Variants in CUX2 observed in about 807,000 individuals in gnomAD.
CUX2 encodes homeobox protein cut-like 2.
CUX2 carries 40 observed loss-of-function variants against 144.8 expected under a neutral mutation model. That is an observed-to-expected ratio of 0.28 (90% CI 0.21 to 0.36). CUX2 has a LOEUF of 0.36. Among genes scored for constraint, CUX2 ranks in the 10% least tolerant of loss-of-function variants. The probability of loss-of-function intolerance (pLI) is 1.00; values close to 1 mark genes in which losing one functional copy is unlikely to be tolerated. For synonymous variants in CUX2, 827 were observed against 875.6 expected (o/e 0.94, Z 0.98); for missense variants, 1,615 against 1,994.0 (o/e 0.81, Z 3.62).
intron 3 of CUX2, among the ~76,000 whole-genome samples, chr12:111,238,238 A>G (rs1209015468): frequency 6.6e-6 from 1 of 152,250 alleles, no homozygotes; most frequent in Non-Finnish European, 1.5e-5. Flanking sequence ...CTCACATAGT[A>G]CTTGTCCCTC....
At chr12:111,219,989 C>G (rs958969475) in intron 3 of CUX2, among the ~76,000 whole-genome samples, 1 of 151,934 alleles carries the variant, frequency 6.6e-6, no homozygotes, top group Admixed American at 6.6e-5. Flanking sequence ...ATTAAAAATA[C>G]AAAAATTAGC....
At chr12:111,250,437 CT>C (rs1291319718) in intron 3 of CUX2, among the ~76,000 whole-genome samples, 8 of 152,182 alleles carry the variant, frequency 5.3e-5, no homozygotes, top group Admixed American at 4.6e-4. Context: ...AGGGCTGCCC[CT>C]GGGAGCGTTT....
At chr12:111,166,006 C>G (rs1269091605) in intron 1 of CUX2, among the ~76,000 whole-genome samples, 3 of 152,058 alleles carry the variant, frequency 2.0e-5, no homozygotes, top group Non-Finnish European at 4.4e-5. Flanking sequence ...AGTGTGTCCA[C>G]TTTGACTCTT....
chr12:111,208,144 A>T (rs1168623096), intron 1 of CUX2, among the ~76,000 whole-genome samples: 1 of 152,128 alleles, frequency 6.6e-6, no homozygotes, highest in Non-Finnish European at 1.5e-5. Flanking sequence ...GTTTGTCTTC[A>T]TGGAATCTCT....
intron 1 of CUX2, among the ~76,000 whole-genome samples, chr12:111,102,653 C>A (rs1170758329): frequency 1.3e-5 from 2 of 152,174 alleles, no homozygotes; most frequent in Non-Finnish European, 2.9e-5. Flanking sequence ...AATCCTTATT[C>A]CTATTTTATG....
At chr12:111,052,689 CTG>C (rs34334186) in intron 1 of CUX2, among the ~76,000 whole-genome samples, 4 of 151,856 alleles carry the variant, frequency 2.6e-5, no homozygotes, top group African/African-American at 9.7e-5. Flanking sequence ...ATGTGGGGAT[CTG>C]TGTGTGTGTG....
intron 1 of CUX2, among the ~76,000 whole-genome samples, chr12:111,175,787 G>A (rs767728087): frequency 4.6e-5 from 7 of 151,772 alleles, no homozygotes; most frequent in Non-Finnish European, 7.4e-5. Context: ...CTTTTTCACC[G>A]CCGGTTGCAA....
intron 19 of CUX2, among the ~76,000 whole-genome samples, chr12:111,335,180 C>A (rs1888293963): frequency 1.3e-5 from 2 of 152,176 alleles, no homozygotes; most frequent in South Asian, 4.1e-4. Flanking sequence ...CATCTGAGGT[C>A]AGCAGTTCGA....
At chr12:111,136,234 C>T (rs979536479) in intron 1 of CUX2, among the ~76,000 whole-genome samples, 6 of 151,684 alleles carry the variant, frequency 4.0e-5, no homozygotes, top group Admixed American at 1.3e-4. Flanking sequence ...TGAGAAGTGA[C>T]GCGATTCTCG....
intron 1 of CUX2, among the ~76,000 whole-genome samples, chr12:111,101,774 G>T (rs1452730699): frequency 6.6e-6 from 1 of 152,146 alleles, no homozygotes; most frequent in African/African-American, 2.4e-5. Flanking sequence ...TTACCTTGGG[G>T]TCTTTCTGGA....
chr12:111,294,129 T>C (rs1262443514), intron 6 of CUX2, among the ~76,000 whole-genome samples: 1 of 151,984 alleles, frequency 6.6e-6, no homozygotes, highest in Non-Finnish European at 1.5e-5. Flanking sequence ...AGGCCATGAG[T>C]TCAAGACCAG....
At chr12:111,143,364 A>C (rs1434513482) in intron 1 of CUX2, among the ~76,000 whole-genome samples, 3 of 152,210 alleles carry the variant, frequency 2.0e-5, no homozygotes, top group East Asian at 1.9e-4. Flanking sequence ...ATTCCAGCGC[A>C]TCAAGGAGGT....
chr12:111,179,608 T>G (rs1421997558), intron 1 of CUX2, among the ~76,000 whole-genome samples: 2 of 152,006 alleles, frequency 1.3e-5, no homozygotes, highest in Admixed American at 1.3e-4. Context: ...TTGTTGTTGT[T>G]GTTGTTGTTG....
Position 111,277,101 on chromosome 12 carries a change from T to G in CUX2, c.301+13262T>G. Reference sequence around the variant, plus strand: ...CCTGCCCTACCCAACCTTGTGGATGTGGGGGCCCCATCTGCCCCAGGATGA... The same window carrying G: ...CCTGCCCTACCCAACCTTGTGGATGGGGGGGCCCCATCTGCCCCAGGATGA... On this transcript the variant is annotated intron_variant, in intron 4 of 21. Coordinates refer to ENST00000261726, the MANE Select transcript of CUX2 (RefSeq NM_015267.4). This position sits in a 1 kb window ranked among gnomAD's most constrained non-coding sequence, Gnocchi z 5.0. Among the ~76,000 whole-genome samples the G allele has an allele frequency of 6.6e-6, 1 of 152,110 alleles. No homozygotes were observed. Among genetic ancestry groups the G allele is most frequent in the Non-Finnish European group, 1.5e-5 (1 of 68,016 alleles).
chr12:111,067,139 C>A (rs904690905), intron 1 of CUX2, among the ~76,000 whole-genome samples: 1 of 152,152 alleles, frequency 6.6e-6, no homozygotes, highest in Non-Finnish European at 1.5e-5. Context: ...CTGTAGTGAC[C>A]TTTCTTCATG....
At chr12:111,069,520 CTGTGTGTGTGTGTGTGTG>C (rs150243402) in intron 1 of CUX2, among the ~76,000 whole-genome samples, 2 of 139,692 alleles carry the variant, frequency 1.4e-5, no homozygotes, top group African/African-American at 2.7e-5. Flanking sequence ...AAGCCTTGCT[CTGTGTGTGTGTGTGTGTG>C]TGTGTGTGTG....
intron 18 of CUX2, among the ~76,000 whole-genome samples, chr12:111,330,704 T>TACACATATAC (rs1342369428): frequency 5.5e-5 from 1 of 18,316 alleles, no homozygotes; most frequent in Admixed American, 6.0e-4. Flanking sequence ...TATATATATA[T>TACACATATAC]ATATATATAT....
rs543053765 is a variant in CUX2, at chr12:111,126,045, G to A, written c.64-88155G>A. Among the ~76,000 whole-genome samples, 930 of 143,090 alleles carry A rather than the reference G, an allele frequency of 6.5e-3. 8 individuals are homozygous for A. Among genetic ancestry groups the A allele is most frequent in the African/African-American group, 0.026 (870 of 34,076 alleles). The allele number at this position is 143,090 out of a possible 152,430, so 93.9% of individuals were successfully genotyped here. ...TTGTTTGTATGTGGGGTGGTGGCGTGGGGGGGGCGGATTTATTATAAGGAA... is the reference window on the plus strand; with the variant it reads ...TTGTTTGTATGTGGGGTGGTGGCGTAGGGGGGGCGGATTTATTATAAGGAA... On this transcript the variant is annotated intron_variant, in intron 1 of 21. Coordinates refer to ENST00000261726, the MANE Select transcript of CUX2 (RefSeq NM_015267.4).
chr12:111,235,166 C>T lies in CUX2; in HGVS notation c.222+17229C>T, dbSNP rs1882675549. On this transcript the variant is annotated intron_variant, in intron 3 of 21. Transcript: ENST00000261726. ...AGAAAGCTTAAAATGAATAATTATT[C>T]CCGGATGGCTATTTAGTGAGCAGTG... is the stretch of plus-strand genomic sequence containing the variant. Among the ~76,000 whole-genome samples, 4 of 152,066 alleles carry T rather than the reference C, an allele frequency of 2.6e-5. No individual in the cohort carries two copies. The South Asian group carries it at 8.3e-4, about 32-fold the overall frequency.
Sources: allele counts gnomAD v4.1 joint callset (sites outside exome capture counted in the v4.1 genomes callset), GRCh38; gene constraint gnomAD v4.1.1; non-coding constraint Gnocchi (gnomAD v3.1); transcripts MANE v1.5; gene names NCBI Gene and HGNC (gene_info 2026-07-23, HGNC 2026-07-21).